Variants in REDIC1 observed in about 807,000 individuals in gnomAD.
REDIC1 encodes HEI10 Interacting Protein 1.
At chr12:39,660,192 T>C in the REDIC1 span, among the ~76,000 whole-genome samples, 3 of 152,190 alleles carry the variant, frequency 2.0e-5, no homozygotes, top group African/African-American at 7.2e-5. Context: ...AGTATTTAGT[T>C]GAACACTTGA....
the REDIC1 span, among the ~76,000 whole-genome samples, chr12:39,797,398 T>G: frequency 9.9e-5 from 15 of 152,160 alleles, no homozygotes; most frequent in African/African-American, 3.6e-4. Flanking sequence ...CAGCACAGTA[T>G]TTTTCTCATT....
At chr12:39,902,001 A>G in the REDIC1 span, among the ~76,000 whole-genome samples, 2 of 152,148 alleles carry the variant, frequency 1.3e-5, no homozygotes, top group Non-Finnish European at 1.5e-5. Flanking sequence ...ACCATGGAAT[A>G]CTATGCAGCC....
At chr12:39,712,549 C>T in the REDIC1 span, among the ~76,000 whole-genome samples, 1,424 of 138,240 alleles carry the variant, frequency 0.01, 13 homozygotes, top group Non-Finnish European at 0.017. Flanking sequence ...CGTATATACA[C>T]GACATATGTG....
At chr12:39,756,639 G>A in the REDIC1 span, 2 of 151,572 alleles carry the variant, frequency 1.3e-5, no homozygotes, top group East Asian at 1.9e-4. Context: ...CCAACTTCTG[G>A]ATCTGTGAGT....
chr12:39,782,938 G>A, the REDIC1 span, among the ~76,000 whole-genome samples: 51 of 152,212 alleles, frequency 3.4e-4, 1 homozygote, highest in Admixed American at 5.2e-4. Flanking sequence ...TGTTATGTAT[G>A]TATACATGTG....
chr12:39,648,788 AATTAT>A, the REDIC1 span, among the ~76,000 whole-genome samples: 12 of 150,922 alleles, frequency 8.0e-5, no homozygotes, highest in Admixed American at 6.0e-4. Flanking sequence ...AAATTTTAGA[AATTAT>A]ATTATAGCTA....
chr12:39,672,052 A>C, the REDIC1 span, among the ~76,000 whole-genome samples: 7 of 151,892 alleles, frequency 4.6e-5, no homozygotes, highest in Admixed American at 4.6e-4. Context: ...GGGCAGGACA[A>C]GCGCCAGGAC....
At chr12:39,716,012 G>A in the REDIC1 span, among the ~76,000 whole-genome samples, 1 of 151,912 alleles carries the variant, frequency 6.6e-6, no homozygotes, top group South Asian at 2.1e-4. Context: ...CCTCTCAGCT[G>A]ACTGAAGCTA....
At chr12:39,677,284 G>A in the REDIC1 span, among the ~76,000 whole-genome samples, 1 of 152,136 alleles carries the variant, frequency 6.6e-6, no homozygotes, top group South Asian at 2.1e-4. Flanking sequence ...AAAGCGAGCA[G>A]GCGTAGCTAT....
chr12:39,626,422 C>G, the REDIC1 span: 1 of 1,602,390 alleles, frequency 6.2e-7, no homozygotes, highest in Non-Finnish European at 8.5e-7. Flanking sequence ...CTTTCTAGTT[C>G]CTGGCGGAGA....
At chr12:39,892,669 T>A in the REDIC1 span, among the ~76,000 whole-genome samples, 1 of 152,174 alleles carries the variant, frequency 6.6e-6, no homozygotes, top group Non-Finnish European at 1.5e-5. Flanking sequence ...TTAATAAATA[T>A]AAATAGTAGC....
the REDIC1 span, among the ~76,000 whole-genome samples, chr12:39,790,782 G>A: frequency 1.7e-5 from 1 of 60,240 alleles, no homozygotes; most frequent in Admixed American, 2.0e-4. Flanking sequence ...CTAGATCCCT[G>A]AGGAATCGCC....
the REDIC1 span, among the ~76,000 whole-genome samples, chr12:39,710,457 A>C: frequency 6.7e-6 from 1 of 150,202 alleles, no homozygotes; most frequent in South Asian, 2.1e-4. Context: ...TATTCAGTTA[A>C]TCGTCTAACT....
chr12:39,654,800 G>C, the REDIC1 span, among the ~76,000 whole-genome samples: 17 of 152,282 alleles, frequency 1.1e-4, no homozygotes, highest in Admixed American at 1.1e-3. Flanking sequence ...GTAAGAATTT[G>C]TGGAGGGTTG....
chr12:39,700,189 G>GA, the REDIC1 span, among the ~76,000 whole-genome samples: 48 of 151,696 alleles, frequency 3.2e-4, no homozygotes, highest in East Asian at 7.0e-3. Context: ...TGAAAACTTT[G>GA]AAAAAAAACT....
chr12:39,739,185 G>A, the REDIC1 span, among the ~76,000 whole-genome samples: 1 of 152,106 alleles, frequency 6.6e-6, no homozygotes, highest in Admixed American at 6.5e-5. Context: ...TTGCAGAGTT[G>A]CAATTCTGTT....
At chr12:39,902,545 A>G in the REDIC1 span, among the ~76,000 whole-genome samples, 2,389 of 152,070 alleles carry the variant, frequency 0.016, 50 homozygotes, top group African/African-American at 0.053. Flanking sequence ...TTTAAGCACT[A>G]CCAGGTGTAC....
At chr12:39,672,543 T>A in the REDIC1 span, among the ~76,000 whole-genome samples, 2 of 152,098 alleles carry the variant, frequency 1.3e-5, no homozygotes, top group Non-Finnish European at 2.9e-5. Context: ...TGCACAAGTT[T>A]GTGGCCACCC....
At chr12:39,878,507 G>C in the REDIC1 span, among the ~76,000 whole-genome samples, 1 of 152,224 alleles carries the variant, frequency 6.6e-6, no homozygotes, top group African/African-American at 2.4e-5. Context: ...CTTGGCTGCT[G>C]TCTGTTCATG....
Sources: gnomAD v4.1 joint callset for allele counts (sites outside exome capture counted in the v4.1 genomes callset) on GRCh38, gnomAD v4.1.1 for gene constraint, MANE v1.5 for transcripts, NCBI Gene and HGNC (gene_info 2026-07-23, HGNC 2026-07-21) for gene names.